Variants in PTPRN2 observed in about 807,000 individuals in gnomAD.
The protein encoded by PTPRN2 is receptor-type tyrosine-protein phosphatase N2.
A neutral mutation model predicts 118.8 loss-of-function variants in PTPRN2; 74 were observed. That is an observed-to-expected ratio of 0.62 (90% CI 0.52 to 0.76). The LOEUF is 0.76. Ranked by LOEUF, PTPRN2 falls within the 30% of genes least tolerant of loss-of-function variation. The pLI is 0.00. For missense variants in PTPRN2, 1,481 were observed against 1,394.4 expected (o/e 1.06, Z -0.99); for synonymous variants, 641 against 608.0 (o/e 1.05, Z -0.80).
intron 1 of PTPRN2, among the ~76,000 whole-genome samples, chr7:158,522,317 T>TGCTGGCTC (rs1824228081): frequency 1.0e-5 from 1 of 99,628 alleles, no homozygotes; most frequent in Non-Finnish European, 2.0e-5. Context: ...ACTGTCCGGG[T>TGCTGGCTC]AGTGGCTCGG....
chr7:157,761,904 GA>G (rs1299670044), intron 12 of PTPRN2, among the ~76,000 whole-genome samples: 4 of 151,808 alleles, frequency 2.6e-5, no homozygotes, highest in African/African-American at 9.7e-5. Context: ...AAATTTACAA[GA>G]AAAAAACCCC....
At chr7:157,680,381 C>T (rs1405434025) in intron 13 of PTPRN2, among the ~76,000 whole-genome samples, 1 of 151,546 alleles carries the variant, frequency 6.6e-6, no homozygotes, top group African/African-American at 2.4e-5. Context: ...TTTTAAAAAA[C>T]TTTTCAAACA....
intron 2 of PTPRN2, among the ~76,000 whole-genome samples, chr7:158,474,402 C>T (rs1820087787): frequency 6.6e-6 from 1 of 152,250 alleles, no homozygotes; most frequent in African/African-American, 2.4e-5. Flanking sequence ...AAATGAGTTT[C>T]ATCTACTAAA....
chr7:157,966,570 CCAT>C (rs1350048198), intron 11 of PTPRN2, among the ~76,000 whole-genome samples: 3 of 144,058 alleles, frequency 2.1e-5, no homozygotes, highest in African/African-American at 5.2e-5. Context: ...ATCATCATCA[CCAT>C]CATCTTCATC....
rs1803663502 is a variant in PTPRN2 at position 157,627,556 on chromosome 7, T to C, written c.2197-6047A>G. Among the ~76,000 whole-genome samples, 1 of 152,166 alleles carries C rather than the reference T, an allele frequency of 6.6e-6. No homozygotes were observed. The highest frequency in any genetic ancestry group is 1.5e-5 in the Non-Finnish European group (1 of 68,028). ...TCTTTTAGAGCTGCTTGCTCTATAA[T>C]TTTGGGTTTTGAAGGGCTCTTGGCT... On this transcript the variant is annotated intron_variant, in intron 14 of 22. Coordinates refer to ENST00000389418, the MANE Select transcript of PTPRN2 (RefSeq NM_002847.5). This position sits in a 1 kb window ranked among gnomAD's most constrained non-coding sequence, Gnocchi z 4.2.
chr7:157,954,453 G>A (rs1017056170), intron 11 of PTPRN2, among the ~76,000 whole-genome samples: 6 of 146,544 alleles, frequency 4.1e-5, no homozygotes, highest in East Asian at 2.0e-4. Context: ...GCTGTGTGGT[G>A]TGTGTAGTCT....
In PTPRN2 at chr7:158,511,379, C is replaced by T. The variant is rs138408370; in HGVS notation, c.113-21594G>A. Among the ~76,000 whole-genome samples the T allele has an allele frequency of 4.9e-4, 74 of 152,314 alleles. 1 individual carries two copies. In the East Asian group the frequency reaches 0.012, roughly 25 times the overall value. ...CGGACAGAGACTATGGAAATGCGAA[C>T]GTGCACATCACATCAACCTGTGCAG... is the stretch of plus-strand genomic sequence containing the variant. On this transcript the variant is annotated intron_variant, in intron 1 of 22. Transcript: ENST00000389418.
intron 3 of PTPRN2, among the ~76,000 whole-genome samples, chr7:158,294,013 A>G (rs561994294): frequency 6.6e-6 from 1 of 152,382 alleles, no homozygotes; most frequent in East Asian, 1.9e-4. Flanking sequence ...AAATAATGAT[A>G]AAAGTACAGC....
chr7:158,440,827 G>GCAATGAAGGTGA (rs1816970762), intron 2 of PTPRN2, among the ~76,000 whole-genome samples: 1 of 145,942 alleles, frequency 6.9e-6, no homozygotes, highest in African/African-American at 2.6e-5. Flanking sequence ...AGTAGTGGTG[G>GCAATGAAGGTGA]TGGTGGTGAT....
chr7:158,244,374 C>T (rs1264251217), intron 3 of PTPRN2, among the ~76,000 whole-genome samples: 2 of 152,246 alleles, frequency 1.3e-5, no homozygotes, highest in Non-Finnish European at 2.9e-5. Context: ...AAAAACACAC[C>T]TTTCAGGTAT....
intron 2 of PTPRN2, among the ~76,000 whole-genome samples, chr7:158,350,598 G>T (rs1807850028): frequency 6.6e-6 from 1 of 152,194 alleles, no homozygotes; most frequent in South Asian, 2.1e-4. Flanking sequence ...CACCCCATTG[G>T]ATCTCAGGGC....
chr7:158,213,741 A>G lies in PTPRN2; in HGVS notation c.278-8468T>C, dbSNP rs79488857. Among the ~76,000 whole-genome samples the G allele has an allele frequency of 8.9e-3, 1,352 of 152,318 alleles. 25 individuals carry two copies. The highest frequency in any genetic ancestry group is 0.031 in the African/African-American group (1,279 of 41,572). On this transcript the variant is annotated intron_variant, in intron 3 of 22. Coordinates refer to ENST00000389418, the MANE Select transcript of PTPRN2 (RefSeq NM_002847.5). ...TTGCAATGTTAGTATAATATCTATTATTGTGGATTTAGAAATAAGGATATT... is the reference window on the plus strand; with the variant it reads ...TTGCAATGTTAGTATAATATCTATTGTTGTGGATTTAGAAATAAGGATATT...
chr7:158,312,472 C>A (rs574654831), intron 3 of PTPRN2, among the ~76,000 whole-genome samples: 22 of 133,616 alleles, frequency 1.6e-4, no homozygotes, highest in African/African-American at 6.3e-4. Flanking sequence ...ACGTGGATAC[C>A]CACACATGTA....
At chr7:158,200,361 C>T (rs1156951321) in intron 4 of PTPRN2, among the ~76,000 whole-genome samples, 3 of 152,196 alleles carry the variant, frequency 2.0e-5, no homozygotes, top group African/African-American at 4.8e-5. Flanking sequence ...TAATGATGGA[C>T]GCCGAGGACG....
chr7:158,328,793 TCC>T (rs368096894), intron 2 of PTPRN2, among the ~76,000 whole-genome samples: 10,322 of 133,974 alleles, frequency 0.077, 533 homozygotes, highest in South Asian at 0.15. Context: ...GGGCCTCCAT[TCC>T]CCCCCCCCCG....
At chr7:158,311,797 A>G (rs1364689341) in intron 3 of PTPRN2, among the ~76,000 whole-genome samples, 1 of 152,242 alleles carries the variant, frequency 6.6e-6, no homozygotes, top group Non-Finnish European at 1.5e-5. Context: ...AAACCTGCAT[A>G]TGAACATGCT....
At chr7:158,275,456 G>T (rs1030117014) in intron 3 of PTPRN2, among the ~76,000 whole-genome samples, 1 of 152,136 alleles carries the variant, frequency 6.6e-6, no homozygotes, top group Non-Finnish European at 1.5e-5. Flanking sequence ...ACTGGACAAA[G>T]TGCCTGGAAC....
At position 157,831,433 on chromosome 7, in the gene PTPRN2, G is replaced by C. The variant is rs1807557622; in HGVS notation, c.1788+67240C>G. On this transcript the variant is annotated intron_variant, in intron 12 of 22. Transcript: ENST00000389418. The surrounding 1 kb of genome is among the most constrained non-coding windows in gnomAD (Gnocchi z 4.8). ...ATGCGGGTTCTGTGTCCAGGGAAGA[G>C]CAGGGCAGGGCTGGGTGCATTTGGA... Among the ~76,000 whole-genome samples, 1 of 152,212 alleles carries C rather than the reference G, an allele frequency of 6.6e-6. No individual in the cohort carries two copies. Among genetic ancestry groups the C allele is most frequent in the African/African-American group, 2.4e-5 (1 of 41,462 alleles).
At chr7:157,883,821 A>T (rs1197029539) in intron 12 of PTPRN2, among the ~76,000 whole-genome samples, 2 of 151,842 alleles carry the variant, frequency 1.3e-5, no homozygotes, top group Non-Finnish European at 2.9e-5. Context: ...ACCACCCCAA[A>T]AATGACTGTC....
Sources: allele counts gnomAD v4.1 joint callset (sites outside exome capture counted in the v4.1 genomes callset), GRCh38; gene constraint gnomAD v4.1.1; non-coding constraint Gnocchi (gnomAD v3.1); transcripts MANE v1.5; gene names NCBI Gene and HGNC (gene_info 2026-07-23, HGNC 2026-07-21).